CA10: variants seen among roughly 807,000 people sequenced by gnomAD.
CA10 encodes carbonic anhydrase-related protein 10.
Under a neutral mutation model 44.2 loss-of-function variants are expected in CA10, and 14 were observed. That is an observed-to-expected ratio of 0.32 (90% CI 0.21 to 0.50). CA10 has a LOEUF of 0.50. Among genes scored for constraint, CA10 ranks in the 20% least tolerant of loss-of-function variants. The probability of loss-of-function intolerance (pLI) is 0.99; values close to 1 mark genes in which losing one functional copy is unlikely to be tolerated. For missense variants in CA10, 350 were observed against 409.7 expected (o/e 0.85, Z 1.26); for synonymous variants, 159 against 141.6 (o/e 1.12, Z -0.87).
intron 2 of CA10, among the ~76,000 whole-genome samples, chr17:51,977,348 G>T (rs1028384990): frequency 6.6e-6 from 1 of 151,500 alleles, no homozygotes; most frequent in African/African-American, 2.4e-5. Context: ...TCTATATAAT[G>T]ACTAAATGAA....
chr17:52,026,469 T>C (rs1161472328), intron 2 of CA10, among the ~76,000 whole-genome samples: 2 of 152,100 alleles, frequency 1.3e-5, no homozygotes, highest in East Asian at 3.9e-4. Context: ...GGAGAAAACG[T>C]CCTAGAGCAG....
chr17:51,779,652 TG>T, intron 3 of CA10, among the ~76,000 whole-genome samples: 1 of 152,336 alleles, frequency 6.6e-6, no homozygotes, highest in Middle Eastern at 3.4e-3. Context: ...ACTTCACATT[TG>T]GAGTCAGACT....
At chr17:51,787,676 T>C (rs1048123698) in intron 3 of CA10, among the ~76,000 whole-genome samples, 2 of 152,038 alleles carry the variant, frequency 1.3e-5, no homozygotes, top group Admixed American at 6.6e-5. Flanking sequence ...GTGTGTATTT[T>C]TAGTAGAGAT....
chr17:51,955,968 C>T (rs1470310639), intron 2 of CA10, among the ~76,000 whole-genome samples: 2 of 152,130 alleles, frequency 1.3e-5, no homozygotes, highest in African/African-American at 4.8e-5. Context: ...ACATTCTGCA[C>T]ATGTGTCCCA....
At chr17:51,888,673 A>G (rs1294812600) in intron 3 of CA10, among the ~76,000 whole-genome samples, 1 of 151,882 alleles carries the variant, frequency 6.6e-6, no homozygotes, top group Non-Finnish European at 1.5e-5. Flanking sequence ...AGTTTAAATA[A>G]ATTCCAATTT....
At chr17:52,061,393 C>T (rs1987381046) in intron 2 of CA10, among the ~76,000 whole-genome samples, 1 of 152,142 alleles carries the variant, frequency 6.6e-6, no homozygotes, top group African/African-American at 2.4e-5. Flanking sequence ...ATAATGCAGG[C>T]TGCCCTAGTG....
At chr17:51,749,672 G>T (rs1407125949) in intron 3 of CA10, among the ~76,000 whole-genome samples, 1 of 152,160 alleles carries the variant, frequency 6.6e-6, no homozygotes, top group African/African-American at 2.4e-5. Flanking sequence ...GTGAAATCTG[G>T]AACTATCAAC....
At chr17:52,027,251 G>A (rs573765108) in intron 2 of CA10, among the ~76,000 whole-genome samples, 1 of 152,194 alleles carries the variant, frequency 6.6e-6, no homozygotes, top group South Asian at 2.1e-4. Flanking sequence ...GTGGTAATGT[G>A]AGTCATGGGG....
chr17:51,720,646 A>C (rs554914224), intron 4 of CA10, among the ~76,000 whole-genome samples: 1 of 152,350 alleles, frequency 6.6e-6, no homozygotes, highest in African/African-American at 2.4e-5. Flanking sequence ...CATTATGCTA[A>C]CTGAAATAAG....
intron 3 of CA10, among the ~76,000 whole-genome samples, chr17:51,757,916 G>C (rs1036271973): frequency 1.3e-5 from 2 of 152,014 alleles, no homozygotes; most frequent in Non-Finnish European, 2.9e-5. Context: ...AATATTTGGA[G>C]CTCGTAGGCT....
At chr17:51,696,940 C>T (rs1051501927) in intron 4 of CA10, among the ~76,000 whole-genome samples, 1 of 152,150 alleles carries the variant, frequency 6.6e-6, no homozygotes, top group Non-Finnish European at 1.5e-5. Context: ...AGTGAAGAGA[C>T]ATCCCATAGA....
intron 3 of CA10, among the ~76,000 whole-genome samples, chr17:51,890,139 A>T (rs183004647): frequency 1.7e-3 from 260 of 152,312 alleles, no homozygotes; most frequent in African/African-American, 5.9e-3. Context: ...TTTGCAAGGA[A>T]CTTCACAGAA....
intron 4 of CA10, among the ~76,000 whole-genome samples, chr17:51,658,435 A>C (rs1352547626): frequency 6.6e-6 from 1 of 152,226 alleles, no homozygotes; most frequent in Non-Finnish European, 1.5e-5. Flanking sequence ...AGGATGCAGA[A>C]GTGGGGGCAA....
intron 4 of CA10, among the ~76,000 whole-genome samples, chr17:51,666,566 C>T (rs1010180097): frequency 2.0e-5 from 3 of 151,526 alleles, no homozygotes; most frequent in African/African-American, 4.8e-5. Flanking sequence ...AACTGCCTGC[C>T]AACTTTCCCC....
chr17:51,964,903 A>G (rs952081017), intron 2 of CA10, among the ~76,000 whole-genome samples: 1 of 151,838 alleles, frequency 6.6e-6, no homozygotes, highest in African/African-American at 2.4e-5. Flanking sequence ...TAACTAAAAC[A>G]AGACCAGAAC....
chr17:51,785,330 T>C (rs987327071), intron 3 of CA10, among the ~76,000 whole-genome samples: 2 of 152,100 alleles, frequency 1.3e-5, no homozygotes, highest in Non-Finnish European at 2.9e-5. Context: ...TAGGAAAAAA[T>C]GTAATCCAAC....
At position 52,073,691 on chromosome 17, in the gene CA10, C is replaced by T. The variant is rs77763004; in HGVS notation, c.62-1298G>A. On this transcript the variant is annotated intron_variant, in intron 1 of 8. Coordinates refer to ENST00000451037, the MANE Select transcript of CA10 (RefSeq NM_020178.5). ...TGGATTTCCTGGTATTCTTATTGCCCCTGTGGTGTGGATAGAGTTCAGACA... is the reference window on the plus strand; with the variant it reads ...TGGATTTCCTGGTATTCTTATTGCCTCTGTGGTGTGGATAGAGTTCAGACA... Among the ~76,000 whole-genome samples the T allele has an allele frequency of 1.2e-3, 188 of 152,244 alleles. 5 individuals carry two copies. The East Asian group carries it at 0.035, about 28-fold the overall frequency.
intron 3 of CA10, among the ~76,000 whole-genome samples, chr17:51,907,486 A>G (rs1212656783): frequency 6.6e-6 from 1 of 152,092 alleles, no homozygotes; most frequent in East Asian, 1.9e-4. Context: ...GTGTGTATAT[A>G]TATCTACGTA....
chr17:52,040,305 A>G (rs1193265586), intron 2 of CA10, among the ~76,000 whole-genome samples: 1 of 130,856 alleles, frequency 7.6e-6, no homozygotes, highest in African/African-American at 2.5e-5. Context: ...ATGAGTGCTC[A>G]TGTTTGTTTT....
Sources: gnomAD v4.1 joint callset for allele counts (sites outside exome capture counted in the v4.1 genomes callset) on GRCh38, gnomAD v4.1.1 for gene constraint, MANE v1.5 for transcripts, NCBI Gene and HGNC (gene_info 2026-07-23, HGNC 2026-07-21) for gene names.